The following LRIG2 variants were observed in gnomAD, a reference collection of about 807,000 sequenced individuals.
LRIG2 encodes leucine rich repeats and immunoglobulin like domains 2.
In LRIG2, 93 loss-of-function variants were observed where a neutral mutation model predicts 107.8. The ratio of observed to expected loss-of-function variants is 0.86; its 90% CI spans 0.73 to 1.03. LRIG2 has a LOEUF of 1.03. LRIG2 is among the 50% of genes least tolerant of loss of function. The pLI, the probability that LRIG2 is intolerant of heterozygous loss-of-function variation, is 0.00. For missense variants in LRIG2, 1,226 were observed against 1,296.0 expected, an observed-to-expected ratio of 0.95 and a Z score of 0.83; for synonymous variants, 471 against 470.6, an observed-to-expected ratio of 1.00 and a Z score of -0.01.
chr1:113,088,158 G>C (rs1653639938), intron 1 of LRIG2, among the ~76,000 whole-genome samples: 1 of 152,016 alleles, frequency 6.6e-6, no homozygotes, highest in Admixed American at 6.6e-5. Flanking sequence ...AATAAATGTG[G>C]GTTTGTTTTA....
At chr1:113,083,218 C>CTTTTT (rs11321902) in intron 1 of LRIG2, among the ~76,000 whole-genome samples, 9 of 112,340 alleles carry the variant, frequency 8.0e-5, no homozygotes, top group African/African-American at 2.5e-4. Flanking sequence ...CTACTGCACA[C>CTTTTT]TTTTTTTTTT....
At chr1:113,073,735 G>A in intron 1 of LRIG2, 90 bp downstream of exon 1, 1 of 1,247,786 alleles carries the variant, frequency 8.0e-7, no homozygotes, top group Non-Finnish European at 1.1e-6. Flanking sequence ...CCTGGTCGGA[G>A]GGTGTGGTCG....
At position 113,129,186 on chromosome 1, in the gene LRIG2, C is replaced by T. The variant is rs565366781; in HGVS notation, c.*5085C>T. ...ATTAGCTGGGCGTGGTGGTGCGCGC[C>T]TGTAGTCCTAGCTGCTCGGGAGGCT... On this transcript the variant is annotated 3_prime_UTR_variant, in exon 18 of 18. Coordinates refer to ENST00000361127, the MANE Select transcript of LRIG2 (RefSeq NM_014813.3). 1 of 151,866 alleles carries T rather than the reference C, an allele frequency of 6.6e-6. No homozygotes were observed. Among genetic ancestry groups the T allele is most frequent in the African/African-American group, 2.4e-5 (1 of 41,380 alleles). The allele number at this position is 151,866 out of a possible 1,614,324, so 9.4% of individuals were successfully genotyped here. A position where few individuals can be genotyped will look rare whatever the true frequency, so the allele number is the denominator to read the frequency against.
At chr1:113,079,835 C>T (rs112811956) in intron 1 of LRIG2, among the ~76,000 whole-genome samples, 2,442 of 143,112 alleles carry the variant, frequency 0.017, 59 homozygotes, top group African/African-American at 0.06. Context: ...CGAGTTCAAG[C>T]GATTCTGCTT....
At chr1:113,087,335 ATTTG>A (rs1043471794) in intron 1 of LRIG2, among the ~76,000 whole-genome samples, 43 of 152,186 alleles carry the variant, frequency 2.8e-4, no homozygotes, top group African/African-American at 7.0e-4. Flanking sequence ...GTCTTCATTT[ATTTG>A]TTTATTTTTA....
At chr1:113,112,974 A>G (rs1378621537) in intron 14 of LRIG2, among the ~76,000 whole-genome samples, 1 of 152,188 alleles carries the variant, frequency 6.6e-6, no homozygotes, top group Non-Finnish European at 1.5e-5. Context: ...TTAGGTAGGC[A>G]TCCTTGTCAC....
At chr1:113,088,728 A>G (rs1008133249) in intron 1 of LRIG2, among the ~76,000 whole-genome samples, 1 of 152,202 alleles carries the variant, frequency 6.6e-6, no homozygotes, top group African/African-American at 2.4e-5. Flanking sequence ...AGAATATAGA[A>G]TATCTAACTT....
chr1:113,089,347 CTA>C (rs1653690125), intron 1 of LRIG2, among the ~76,000 whole-genome samples: 1 of 152,196 alleles, frequency 6.6e-6, no homozygotes, highest in African/African-American at 2.4e-5. Flanking sequence ...GCCTATTTAA[CTA>C]TTTAGACTTG....
rs1019469820 is a variant in LRIG2, at chr1:113,129,928, TCAGC to T, written c.*5831_*5834del. 5.3e-4 allele frequency: 80 copies of T among 152,314 alleles called. No homozygotes were observed. Among genetic ancestry groups the T allele is most frequent in the African/African-American group, 1.9e-3 (78 of 41,568 alleles). The allele number at this position is 152,314 out of a possible 1,614,324, so 9.4% of individuals were successfully genotyped here. A position where few individuals can be genotyped will look rare whatever the true frequency, so the allele number is the denominator to read the frequency against. On this transcript the variant is annotated 3_prime_UTR_variant, in exon 18 of 18. Coordinates refer to ENST00000361127, the MANE Select transcript of LRIG2 (RefSeq NM_014813.3). ...TTTTTTGAGACAGGGTTTCACCCTG[TCAGC>T]CAGGCTGGAGTGCAATGGTGTGAAC...
chr1:113,121,539 C>T (rs1375168350), intron 17 of LRIG2, among the ~76,000 whole-genome samples: 7 of 151,720 alleles, frequency 4.6e-5, no homozygotes, highest in Non-Finnish European at 7.4e-5. Flanking sequence ...GTCAGGAGTT[C>T]GAGACCAGCC....
chr1:113,122,347 A>G (rs1655300250), intron 17 of LRIG2, among the ~76,000 whole-genome samples: 1 of 152,066 alleles, frequency 6.6e-6, no homozygotes, highest in Non-Finnish European at 1.5e-5. Flanking sequence ...TCAGCCTCCC[A>G]AAGTGTTGGG....
At chr1:113,116,238 G>T (rs1462382206) in intron 15 of LRIG2, 49 bp from the exon 16 acceptor site, 1 of 1,543,624 alleles carries the variant, frequency 6.5e-7, no homozygotes, top group Admixed American at 1.8e-5. Flanking sequence ...TCTTCTGAGT[G>T]TTGGCTTCAA....
rs767000771 is a variant in LRIG2 at position 113,073,565 on chromosome 1, C to T, written c.159C>T (p.Leu53=). The change falls in exon 1 of 18, where the codon CTC becomes CTT. Residue 53 remains leucine, a synonymous_variant. Coordinates refer to ENST00000361127, the MANE Select transcript of LRIG2 (RefSeq NM_014813.3). ...CPAPCSCRIP[L]LDCSRRKLPA... is the part of the protein sequence containing the mutation. The stretch of plus-strand genomic sequence containing the variant: ...CGCCCTGCTCCTGCCGCATTCCTCT[C>T]CTGGACTGCAGTCGCAGGAAATTGC... The T allele has an allele frequency of 4.3e-6, 7 of 1,614,002 alleles. No homozygotes were observed. The highest frequency in any genetic ancestry group is 5.9e-6 in the Non-Finnish European group (7 of 1,180,040).
chr1:113,120,597 G>A (rs1263102301), intron 17 of LRIG2, among the ~76,000 whole-genome samples: 4 of 145,436 alleles, frequency 2.8e-5, no homozygotes, highest in African/African-American at 7.6e-5. Context: ...CAGGACCTCC[G>A]CCTCCCGGGT....
intron 9 of LRIG2, among the ~76,000 whole-genome samples, chr1:113,099,272 C>T (rs1250125111): frequency 1.3e-4 from 10 of 79,878 alleles, no homozygotes; most frequent in African/African-American, 4.7e-4. Flanking sequence ...GGGTCTTGCT[C>T]TGTCACCCAG....
In LRIG2 at chr1:113,100,422, A is replaced by G. The variant is rs146003521; in HGVS notation, c.1247A>G (p.Asp416Gly). ...TGTTTCATTTCTCTTTATTTCAGAG[A>G]TTTGAACAATAATGCTATAATGTCT... is the stretch of plus-strand genomic sequence containing the variant. Reference protein sequence around the residue: ...FIGLESLEHLDLNNNAIMSIQ... With the variant: ...FIGLESLEHLGLNNNAIMSIQ... Residue 416 changes from aspartate to glycine, a missense_variant and splice_region_variant, in exon 11 of 18, where the codon GAT becomes GGT. Transcript: ENST00000361127. 1 of 1,528,196 alleles carries G rather than the reference A, an allele frequency of 6.5e-7. No individual in the cohort carries two copies. Among genetic ancestry groups the G allele is most frequent in the Non-Finnish European group, 9.0e-7 (1 of 1,106,730 alleles). 94.7% of individuals were successfully genotyped at this position (1,528,196 alleles called of 1,614,324 possible).
intron 1 of LRIG2, among the ~76,000 whole-genome samples, chr1:113,084,361 A>G (rs946257186): frequency 2.0e-5 from 3 of 151,366 alleles, no homozygotes; most frequent in South Asian, 2.1e-4. Flanking sequence ...GACTACAGGC[A>G]CCCGCCACCA....
chr1:113,098,271 G>A (rs981338280), intron 8 of LRIG2, among the ~76,000 whole-genome samples: 3 of 152,284 alleles, frequency 2.0e-5, no homozygotes, highest in African/African-American at 7.2e-5. Flanking sequence ...GCCATTGTAA[G>A]TTCAAGGTCC....
rs778716393 is a variant in LRIG2 at position 113,091,371 on chromosome 1, C to T, written c.293C>T (p.Thr98Ile). ...TGGAACATCAGCTTGGAATCACAAA[C>T]ATTACAGGAAGTGTAAGTTATTTTT... The part of the protein sequence containing the change: ...SNWNISLESQ[T>I]LQEVKMNYNE... Residue 98 changes from threonine (T) to isoleucine (I), a missense_variant, in exon 2 of 18, where the codon ACA (threonine) becomes ATA (isoleucine). Coordinates refer to ENST00000361127, the MANE Select transcript of LRIG2 (RefSeq NM_014813.3). 1.5e-5 allele frequency: 24 copies of T among 1,593,388 alleles called. No individual in the cohort carries two copies. The East Asian group carries it at 3.8e-4, about 25-fold the overall frequency.
Sources: gnomAD v4.1 joint callset for allele counts (sites outside exome capture counted in the v4.1 genomes callset) on GRCh38, gnomAD v4.1.1 for gene constraint, MANE v1.5 for transcripts, NCBI Gene and HGNC (gene_info 2026-07-23, HGNC 2026-07-21) for gene names.